NSFL1C: variants seen among roughly 807,000 people sequenced by gnomAD.
NSFL1C encodes NSFL1 cofactor, also known as NSFL1 cofactor p47.
Under a neutral mutation model 43.1 loss-of-function variants are expected in NSFL1C, and 14 were observed. The observed-to-expected ratio is 0.32, with a 90% CI of 0.21 to 0.51. The LOEUF is 0.51. Ranked by LOEUF, NSFL1C falls within the 20% of genes least tolerant of loss-of-function variation. NSFL1C has a pLI of 0.98. For missense variants in NSFL1C, 406 were observed against 472.5 expected (o/e 0.86, Z 1.30); for synonymous variants, 171 against 183.5 (o/e 0.93, Z 0.55).
At chr20:1,446,993 C>T (rs1170035703) in intron 7 of NSFL1C, among the ~76,000 whole-genome samples, 1 of 152,190 alleles carries the variant, frequency 6.6e-6, no homozygotes, top group Non-Finnish European at 1.5e-5. Flanking sequence ...GCTTCAGAGG[C>T]CATTGGCACA....
In NSFL1C at chr20:1,445,761, A is replaced by G. The variant is rs2090045448; in HGVS notation, c.855T>C (p.Ser285=). Reference sequence around the variant, plus strand: ...GCTCTGATTCGTCGATTAAGATGGAAGAGCTGGCTTTGGCTTCATTTTCTG... The same window carrying G: ...GCTCTGATTCGTCGATTAAGATGGAGGAGCTGGCTTTGGCTTCATTTTCTG... The part of the protein sequence containing the change: ...QQAENEAKAS[S]SILIDESEPT... The change falls in exon 8 of 9, where the codon TCT becomes TCC. Residue 285 remains serine (S), a synonymous_variant. Transcript: ENST00000216879. The G allele has an allele frequency of 6.2e-7, 1 of 1,613,896 alleles. No individual in the cohort carries two copies. The highest frequency in any genetic ancestry group is 1.1e-5 in the South Asian group (1 of 91,076).
At chr20:1,464,902 C>T (rs1204408206) in intron 1 of NSFL1C, among the ~76,000 whole-genome samples, 2 of 152,104 alleles carry the variant, frequency 1.3e-5, no homozygotes, top group Non-Finnish European at 2.9e-5. Context: ...AGGTTCCATC[C>T]CTGCTAGTGT....
At chr20:1,466,315 C>T (rs913377758) in intron 1 of NSFL1C, among the ~76,000 whole-genome samples, 2 of 152,224 alleles carry the variant, frequency 1.3e-5, no homozygotes, top group African/African-American at 4.8e-5. Context: ...CCGGGCTGGA[C>T]TTCGGAAGTG....
At chr20:1,458,392 A>G in intron 2 of NSFL1C, 118 bp from the exon 3 acceptor site, 1 of 747,302 alleles carries the variant, frequency 1.3e-6, no homozygotes, top group Non-Finnish European at 2.4e-6. Flanking sequence ...CGAGAGGAGG[A>G]CGTTATGTGG....
chr20:1,450,348 T>A (rs1209752240), intron 7 of NSFL1C, among the ~76,000 whole-genome samples: 1 of 152,190 alleles, frequency 6.6e-6, no homozygotes, highest in East Asian at 1.9e-4. Context: ...GGCTGTTTTT[T>A]TTTTAAGCTA....
At chr20:1,453,462 G>A (rs570027566) in intron 5 of NSFL1C, among the ~76,000 whole-genome samples, 2 of 152,124 alleles carry the variant, frequency 1.3e-5, no homozygotes, top group South Asian at 2.1e-4. Flanking sequence ...TTGGTATGCC[G>A]TGAGTGTCCG....
intron 3 of NSFL1C, among the ~76,000 whole-genome samples, chr20:1,457,605 C>T (rs181866064): frequency 2.3e-4 from 35 of 152,332 alleles, no homozygotes; most frequent in African/African-American, 7.9e-4. Context: ...ATTATGCCCT[C>T]ACTTCTGCCT....
rs765600681 is a variant in NSFL1C, at chr20:1,453,074, G to C, written c.604C>G (p.Gln202Glu). ...SLDNGELRSY[Q>E]DPSNAQFLES... ...AGAAACTGGGCATTGGATGGGTCTT[G>C]GTAGCTTCTGAGTTCTCCATTATCC... Residue 202 changes from glutamine to glutamate, a missense_variant, in exon 6 of 9, where the codon CAA becomes GAA. Gln to Glu is a conservative substitution (Grantham distance 29, BLOSUM62 2). This residue lies in a region of NSFL1C where 196 missense variants were observed against 228.0 expected (regional missense o/e 0.86). Transcript: ENST00000216879. 3 of 1,613,332 alleles carry C rather than the reference G, an allele frequency of 1.9e-6. No homozygotes were observed. The highest frequency in any genetic ancestry group is 2.5e-6 in the Non-Finnish European group (3 of 1,179,448).
intron 8 of NSFL1C, among the ~76,000 whole-genome samples, chr20:1,444,578 A>G (rs933458078): frequency 6.6e-6 from 1 of 152,218 alleles, no homozygotes; most frequent in African/African-American, 2.4e-5. Context: ...CCTTCCCTAG[A>G]GCACTTAAAC....
chr20:1,443,758 C>G lies in NSFL1C; in HGVS notation c.1104G>C (p.Arg368=), dbSNP rs149942472. ...GCAGCTGGCTGGGCGGTTATGTTAACCGCTGCACGATGACAGCATTGAGCA... is the reference window on the plus strand; with the variant it reads ...GCAGCTGGCTGGGCGGTTATGTTAAGCGCTGCACGATGACAGCATTGAGCA... ...ANLLNAVIVQ[R]LT The change falls in exon 9 of 9, where the codon CGG becomes CGC. Residue 368 remains arginine, a synonymous_variant. Coordinates refer to ENST00000216879, the MANE Select transcript of NSFL1C (RefSeq NM_016143.5). The G allele has an allele frequency of 3.1e-6, 5 of 1,613,976 alleles. No individual in the cohort carries two copies. The African/African-American group carries it at 6.7e-5, about 22-fold the overall frequency.
intron 2 of NSFL1C, among the ~76,000 whole-genome samples, chr20:1,459,531 T>A (rs2090369636): frequency 6.6e-6 from 1 of 152,188 alleles, no homozygotes; most frequent in African/African-American, 2.4e-5. Context: ...TAATACAGGT[T>A]TAGTGAGGCT....
At position 1,453,054 on chromosome 20, in the gene NSFL1C, C is replaced by G; in HGVS notation, c.624G>C (p.Gln208His). The stretch of plus-strand genomic sequence containing the variant: ...ACCCTCTGCGGATAGACTCCAGAAA[C>G]TGGGCATTGGATGGGTCTTGGTAGC... ...LRSYQDPSNA[Q>H]FLESIRRGEV... Residue 208 changes from glutamine (Q) to histidine (H), a missense_variant, in exon 6 of 9, where the codon CAG (glutamine) becomes CAC (histidine). Around this residue, in one of 3 missense-constraint regions of NSFL1C, gnomAD observed 196 missense variants for 228.0 expected, o/e 0.86. Coordinates refer to ENST00000216879, the MANE Select transcript of NSFL1C (RefSeq NM_016143.5). 6.2e-7 allele frequency: 1 copy of G among 1,612,050 alleles called. No homozygotes were observed. Among genetic ancestry groups the G allele is most frequent in the Non-Finnish European group, 8.5e-7 (1 of 1,178,104 alleles).
At chr20:1,454,483 C>G (rs1568621913) in intron 4 of NSFL1C, among the ~76,000 whole-genome samples, 178 bp from the exon 5 acceptor site, 2 of 152,144 alleles carry the variant, frequency 1.3e-5, no homozygotes, top group African/African-American at 2.4e-5. Flanking sequence ...CATGCCCAGG[C>G]AGTATGGTAA....
chr20:1,452,102 C>T (rs1321278319), intron 7 of NSFL1C, among the ~76,000 whole-genome samples: 1 of 152,226 alleles, frequency 6.6e-6, no homozygotes, highest in Non-Finnish European at 1.5e-5. Flanking sequence ...CTTCCCTGAA[C>T]ACCCTAGATT....
chr20:1,461,696 T>G (rs926379335), intron 2 of NSFL1C, among the ~76,000 whole-genome samples: 1 of 152,168 alleles, frequency 6.6e-6, no homozygotes, highest in Non-Finnish European at 1.5e-5. Context: ...AAATCCTTGT[T>G]TTACTAGCTC....
At chr20:1,453,307 A>T (rs1013139874) in intron 5 of NSFL1C, among the ~76,000 whole-genome samples, 167 bp from the exon 6 acceptor site, 1 of 152,198 alleles carries the variant, frequency 6.6e-6, no homozygotes, top group Non-Finnish European at 1.5e-5. Flanking sequence ...CAAACTAAAT[A>T]AGCATTAACC....
intron 1 of NSFL1C, among the ~76,000 whole-genome samples, chr20:1,466,056 T>G (rs1169536877): frequency 6.6e-6 from 1 of 152,190 alleles, no homozygotes; most frequent in Non-Finnish European, 1.5e-5. Context: ...GAATGCTTAT[T>G]ATGTGCCAGG....
chr20:1,457,295 T>C (rs1403480534), intron 3 of NSFL1C, among the ~76,000 whole-genome samples: 1 of 152,214 alleles, frequency 6.6e-6, no homozygotes, highest in African/African-American at 2.4e-5. Context: ...TTTCTTTTCC[T>C]TATTTTTTAA....
chr20:1,445,588 G>A (rs1254508423), intron 8 of NSFL1C, 78 bp downstream of exon 8: 43 of 1,505,144 alleles, frequency 2.9e-5, no homozygotes, highest in Non-Finnish European at 3.4e-5. Context: ...GAGGAAGAAC[G>A]GCTCTCTGCT....
Sources: allele counts gnomAD v4.1 joint callset (sites outside exome capture counted in the v4.1 genomes callset), GRCh38; gene constraint gnomAD v4.1.1; regional missense constraint gnomAD v4.1.1; transcripts MANE v1.5; gene names NCBI Gene and HGNC (gene_info 2026-07-23, HGNC 2026-07-21).